The following CASK variants were observed in gnomAD, a reference collection of about 807,000 sequenced individuals.
CASK encodes calcium/calmodulin dependent serine protein kinase.
In CASK, 4 loss-of-function variants were observed where a neutral mutation model predicts 82.9. The ratio of observed to expected loss-of-function variants is 0.05; its 90% CI spans 0.02 to 0.11. CASK has a LOEUF of 0.11. CASK is among the 10% of genes least tolerant of loss of function. The probability of loss-of-function intolerance (pLI) is 1.00; values close to 1 mark genes in which losing one functional copy is unlikely to be tolerated. For synonymous variants in CASK, 259 were observed against 253.5 expected (o/e 1.02, Z -0.20); for missense variants, 358 against 720.9 (o/e 0.50, Z 5.76).
rs1434180833 is a variant in CASK at position 41,786,949 on chromosome X, C to T, written c.278+229G>A. Reference sequence around the variant, plus strand: ...TGAACTCAATTTCCTTTTGGAGTCTCTTCTCTGAAGCATGCTGAAAGCATG... The same window carrying T: ...TGAACTCAATTTCCTTTTGGAGTCTTTTCTCTGAAGCATGCTGAAAGCATG... On this transcript the variant is annotated intron_variant, in intron 3 of 26. Coordinates refer to ENST00000378163, the MANE Select transcript of CASK (RefSeq NM_001367721.1). 4 of 366,705 alleles carry T rather than the reference C, an allele frequency of 1.1e-5. No individual in the cohort carries two copies. In the Admixed American group the frequency reaches 1.3e-4, roughly 12 times the overall value. 30.2% of individuals were successfully genotyped at this position (366,705 alleles called of 1,213,427 possible). A position where few individuals can be genotyped will look rare whatever the true frequency, so the allele number is the denominator to read the frequency against.
chrX:41,913,635 G>A (rs1320911530), intron 1 of CASK, among the ~76,000 whole-genome samples: 1 of 112,344 alleles, frequency 8.9e-6, no homozygotes, highest in African/African-American at 3.2e-5. Flanking sequence ...TATTATTTAT[G>A]TAATAGAGCC....
At chrX:41,888,787 G>A (rs981911768) in intron 1 of CASK, among the ~76,000 whole-genome samples, 1 of 102,752 alleles carries the variant, frequency 9.7e-6, no homozygotes, top group South Asian at 4.1e-4. Flanking sequence ...ATACATGTAT[G>A]TGTATATATA....
chrX:41,633,840 A>T (rs2147358878), intron 9 of CASK, among the ~76,000 whole-genome samples: 1 of 108,505 alleles, frequency 9.2e-6, no homozygotes, highest in South Asian at 4.1e-4. Flanking sequence ...GCTCACTGCA[A>T]CCTCCGCCTC....
At chrX:41,692,849 C>T (rs929910488) in intron 5 of CASK, among the ~76,000 whole-genome samples, 2 of 112,081 alleles carry the variant, frequency 1.8e-5, no homozygotes, top group African/African-American at 3.2e-5. Context: ...CACCACACTA[C>T]GCTAGTGATA....
At chrX:41,786,700 G>A (rs1438176931) in intron 3 of CASK, 2 of 141,077 alleles carry the variant, frequency 1.4e-5, no homozygotes, top group Non-Finnish European at 2.8e-5. Flanking sequence ...AAAAGTCTGC[G>A]ACAGACATAT....
intron 9 of CASK, among the ~76,000 whole-genome samples, chrX:41,633,057 AAT>A (rs201262438): frequency 4.8e-5 from 4 of 83,966 alleles, no homozygotes; most frequent in African/African-American, 1.1e-4. Flanking sequence ...AAAAAAAAAA[AAT>A]AATAATAATA....
chrX:41,819,241 G>A lies in CASK; in HGVS notation c.173-31958C>T, dbSNP rs1162710597. 5.4e-5 allele frequency among the ~76,000 whole-genome samples: 6 copies of A among 111,206 alleles called. No homozygotes were observed. The East Asian group carries it at 1.7e-3, about 31-fold the overall frequency. On this transcript the variant is annotated intron_variant, in intron 2 of 26. Coordinates refer to ENST00000378163, the MANE Select transcript of CASK (RefSeq NM_001367721.1). ...ATTTTAATGATCAAGGAAAATGAGA[G>A]AAGACAAAAGTTATCAATATCAGCA... is the stretch of plus-strand genomic sequence containing the variant.
chrX:41,795,042 A>G (rs768747607), intron 2 of CASK, among the ~76,000 whole-genome samples: 7 of 112,179 alleles, frequency 6.2e-5, no homozygotes, highest in Non-Finnish European at 1.1e-4. Context: ...TTCAATATGT[A>G]AAAAATGAAT....
At chrX:41,726,288 G>C (rs1443556061) in intron 5 of CASK, among the ~76,000 whole-genome samples, 1 of 112,048 alleles carries the variant, frequency 8.9e-6, no homozygotes, top group African/African-American at 3.2e-5. Flanking sequence ...AACTTTTATT[G>C]AAGTATGACA....
chrX:41,620,055 C>T (rs1168004605), intron 11 of CASK, among the ~76,000 whole-genome samples: 1 of 112,351 alleles, frequency 8.9e-6, no homozygotes, highest in Non-Finnish European at 1.9e-5. Context: ...CTTAAGTGTA[C>T]CATTCAATGA....
chrX:41,604,916 TTTTCAGAAAGCATTTCCC>T (rs1259141184), intron 12 of CASK, among the ~76,000 whole-genome samples: 1 of 111,971 alleles, frequency 8.9e-6, no homozygotes, highest in Non-Finnish European at 1.9e-5. Flanking sequence ...AATTCAAAGG[TTTTCAGAAAGCATTTCCC>T]TTTCAGTAGA....
At chrX:41,700,054 C>G (rs1197298773) in intron 5 of CASK, among the ~76,000 whole-genome samples, 2 of 111,923 alleles carry the variant, frequency 1.8e-5, no homozygotes, top group Admixed American at 1.9e-4. Flanking sequence ...TAAATAACAT[C>G]TCATACATGC....
intron 5 of CASK, among the ~76,000 whole-genome samples, chrX:41,701,618 C>A: frequency 8.9e-6 from 1 of 112,262 alleles, no homozygotes; most frequent in African/African-American, 3.2e-5. Context: ...TGAGTGGCTG[C>A]CATAGTGCCT....
intron 16 of CASK, among the ~76,000 whole-genome samples, chrX:41,563,690 T>C (rs1337561048): frequency 9.0e-6 from 1 of 110,821 alleles, no homozygotes; most frequent in Non-Finnish European, 1.9e-5. Flanking sequence ...TAAAACTTAT[T>C]TTTTTTTAGG....
At position 41,715,207 on chromosome X, in the gene CASK, G is replaced by C. The variant is rs763091031; in HGVS notation, c.429+24177C>G. ...ACTGACTCAGTGGCCTGGCCACATG[G>C]TCAGGCAGAAGGGCAGTGGAAACCT... On this transcript the variant is annotated intron_variant, in intron 5 of 26. Coordinates refer to ENST00000378163, the MANE Select transcript of CASK (RefSeq NM_001367721.1). Among the ~76,000 whole-genome samples the C allele has an allele frequency of 6.2e-5, 7 of 112,723 alleles. No individual in the cohort carries two copies. The South Asian group carries it at 2.2e-3, about 35-fold the overall frequency.
At chrX:41,689,343 G>T (rs1244287377) in intron 5 of CASK, among the ~76,000 whole-genome samples, 1 of 111,798 alleles carries the variant, frequency 8.9e-6, no homozygotes, top group Non-Finnish European at 1.9e-5. Context: ...TAGTCACATT[G>T]TTGATACTGC....
At chrX:41,822,009 G>T (rs2070554435) in intron 2 of CASK, among the ~76,000 whole-genome samples, 1 of 112,224 alleles carries the variant, frequency 8.9e-6, no homozygotes, top group African/African-American at 3.2e-5. Flanking sequence ...CCCAGAAGCT[G>T]TGAGTATATT....
intron 24 of CASK, among the ~76,000 whole-genome samples, chrX:41,532,292 T>C (rs1360772920): frequency 2.7e-5 from 3 of 112,305 alleles, no homozygotes; most frequent in Non-Finnish European, 3.8e-5. Context: ...TGTGCTTTTG[T>C]TTACATATTG....
intron 3 of CASK, among the ~76,000 whole-genome samples, chrX:41,781,794 G>C (rs1216872851): frequency 8.9e-6 from 1 of 112,047 alleles, no homozygotes; most frequent in Non-Finnish European, 1.9e-5. Context: ...CAGGAGATAA[G>C]GAGGATGCAA....
Sources: gnomAD v4.1 joint callset for allele counts (sites outside exome capture counted in the v4.1 genomes callset) on GRCh38, gnomAD v4.1.1 for gene constraint, MANE v1.5 for transcripts, NCBI Gene and HGNC (gene_info 2026-07-23, HGNC 2026-07-21) for gene names.